The following FANK1 variants were observed in gnomAD, a reference collection of about 807,000 sequenced individuals.
FANK1 encodes fibronectin type III and ankyrin repeat domains 1.
Under a neutral mutation model 45.3 loss-of-function variants are expected in FANK1, and 44 were observed. The observed-to-expected ratio is 0.97, with a 90% CI of 0.76 to 1.25. The LOEUF is 1.25. Ranked by LOEUF, FANK1 falls within the 50% of genes most tolerant of loss-of-function variation. The pLI, the probability that FANK1 is intolerant of heterozygous loss-of-function variation, is 0.00. For missense variants in FANK1, 391 were observed against 424.4 expected, an observed-to-expected ratio of 0.92 and a Z score of 0.69; for synonymous variants, 149 against 152.5, an observed-to-expected ratio of 0.98 and a Z score of 0.17.
chr10:125,898,695 C>G (rs1944781403), intron 1 of FANK1, among the ~76,000 whole-genome samples: 2 of 152,030 alleles, frequency 1.3e-5, no homozygotes, highest in African/African-American at 4.8e-5. Context: ...GGAGCCTGAT[C>G]AGAAAGGTTC....
At chr10:125,971,917 G>A (rs1950545762) in intron 1 of FANK1, among the ~76,000 whole-genome samples, 1 of 152,156 alleles carries the variant, frequency 6.6e-6, no homozygotes, top group Non-Finnish European at 1.5e-5. Flanking sequence ...GTGAGCCACT[G>A]CGCCCGGCCG....
intron 1 of FANK1, among the ~76,000 whole-genome samples, chr10:125,941,308 CAAATA>C (rs1219463233): frequency 1.3e-5 from 2 of 152,040 alleles, no homozygotes; most frequent in Non-Finnish European, 2.9e-5. Flanking sequence ...AGCAATTTGG[CAAATA>C]AAATCACGGG....
At chr10:125,904,838 G>C (rs969286526) in intron 1 of FANK1, among the ~76,000 whole-genome samples, 1 of 85,462 alleles carries the variant, frequency 1.2e-5, no homozygotes, top group Non-Finnish European at 2.7e-5. Context: ...TCTCTTAAAA[G>C]TTTCTGGCCG....
At chr10:125,986,172 T>A (rs546876542) in intron 2 of FANK1, among the ~76,000 whole-genome samples, 6 of 152,318 alleles carry the variant, frequency 3.9e-5, no homozygotes, top group African/African-American at 1.4e-4. Context: ...GAAATGTGTT[T>A]CTGGCAAAGA....
At chr10:125,919,195 A>ATTTTTTTT (rs142716284) in intron 1 of FANK1, among the ~76,000 whole-genome samples, 4,629 of 51,854 alleles carry the variant, frequency 0.089, 1,014 homozygotes, top group Admixed American at 0.14. Context: ...GGAGGTAAGA[A>ATTTTTTTT]TTTTTTTTTT....
At chr10:125,995,329 A>G in intron 3 of FANK1, 88 bp from the exon 4 acceptor site, 1 of 1,183,936 alleles carries the variant, frequency 8.4e-7, no homozygotes, top group Non-Finnish European at 1.3e-6. Flanking sequence ...CCTGAAGATG[A>G]TCCCCTGAAG....
At chr10:125,915,005 A>G (rs1175707509) in intron 1 of FANK1, among the ~76,000 whole-genome samples, 1 of 152,194 alleles carries the variant, frequency 6.6e-6, no homozygotes, top group African/African-American at 2.4e-5. Context: ...TGGTAGATCC[A>G]GCACTCCTAT....
chr10:125,989,921 T>C (rs1951813005), intron 3 of FANK1, among the ~76,000 whole-genome samples: 1 of 152,148 alleles, frequency 6.6e-6, no homozygotes, highest in South Asian at 2.1e-4. Context: ...CGTCCCAGGC[T>C]ACCTTTCTGC....
At chr10:125,952,151 C>T (rs1949276488) in intron 1 of FANK1, among the ~76,000 whole-genome samples, 1 of 151,862 alleles carries the variant, frequency 6.6e-6, no homozygotes, top group African/African-American at 2.4e-5. Flanking sequence ...GTGTTTGTGT[C>T]CTACAAACCC....
At chr10:125,985,523 A>G (rs1215241940) in intron 2 of FANK1, among the ~76,000 whole-genome samples, 2 of 152,140 alleles carry the variant, frequency 1.3e-5, no homozygotes. Flanking sequence ...GTTTATATCA[A>G]TTTTTAACAC....
At chr10:125,918,543 C>G (rs1403239693) in intron 1 of FANK1, among the ~76,000 whole-genome samples, 2 of 91,578 alleles carry the variant, frequency 2.2e-5, no homozygotes, top group Non-Finnish European at 3.9e-5. Flanking sequence ...GGTGACAGAG[C>G]AAGCCTCTGT....
chr10:125,917,444 TAAATC>T (rs1946534957), intron 1 of FANK1, among the ~76,000 whole-genome samples: 1 of 152,216 alleles, frequency 6.6e-6, no homozygotes. Context: ...AAAAGCCAAT[TAAATC>T]TATAAATTTG....
chr10:125,923,185 A>G (rs1370638012), intron 1 of FANK1, among the ~76,000 whole-genome samples: 1 of 151,812 alleles, frequency 6.6e-6, no homozygotes, highest in Non-Finnish European at 1.5e-5. Context: ...CTCACCAAGT[A>G]TGGTGGCTTA....
chr10:125,952,595 C>A (rs568931850), intron 1 of FANK1, among the ~76,000 whole-genome samples: 68 of 152,102 alleles, frequency 4.5e-4, no homozygotes, highest in Non-Finnish European at 8.7e-4. Flanking sequence ...CTGGAAAATT[C>A]CTATTTGCAT....
intron 1 of FANK1, among the ~76,000 whole-genome samples, chr10:125,905,421 T>G (rs1471936860): frequency 6.6e-6 from 1 of 152,358 alleles, no homozygotes; most frequent in African/African-American, 2.4e-5. Context: ...AAATTACAGA[T>G]TCTACCTATT....
At position 125,988,657 on chromosome 10, in the gene FANK1, G is replaced by T; in HGVS notation, c.298G>T (p.Val100Phe). The T allele has an allele frequency of 6.2e-7, 1 of 1,614,128 alleles. No homozygotes were observed. The highest frequency in any genetic ancestry group is 8.5e-7 in the Non-Finnish European group (1 of 1,180,030). Residue 100 changes from valine to phenylalanine, a missense_variant, in exon 3 of 11, where the codon GTC becomes TTC. Physicochemically the swap from Val to Phe is conservative, Grantham distance 50. Transcript: ENST00000368693. ...TGGGGAGTGTGAGTACAGCCCACTC[G>T]TCTCAGTGTCTACAACCAGTGAGTA... ...PSGECEYSPL[V>F]SVSTTREPIS...
At chr10:125,978,816 C>G (rs1481597914) in intron 1 of FANK1, among the ~76,000 whole-genome samples, 1 of 152,150 alleles carries the variant, frequency 6.6e-6, no homozygotes, top group East Asian at 1.9e-4. Context: ...TCGTGAGGTG[C>G]AGTGGAAGTG....
chr10:125,959,404 A>G (rs1428218200), intron 1 of FANK1, among the ~76,000 whole-genome samples: 1 of 97,644 alleles, frequency 1.0e-5, no homozygotes, highest in Non-Finnish European at 1.9e-5. Flanking sequence ...ACAGAATGAG[A>G]CTCTGTCTCA....
At chr10:125,977,502 CTG>C (rs1258215512) in intron 1 of FANK1, among the ~76,000 whole-genome samples, 1 of 152,194 alleles carries the variant, frequency 6.6e-6, no homozygotes, top group African/African-American at 2.4e-5. Context: ...TGCTCTGAAA[CTG>C]TGTGTTCCTC....
Sources: gnomAD v4.1 joint callset for allele counts (sites outside exome capture counted in the v4.1 genomes callset) on GRCh38, gnomAD v4.1.1 for gene constraint, MANE v1.5 for transcripts, NCBI Gene and HGNC (gene_info 2026-07-23, HGNC 2026-07-21) for gene names.